Variants in TRIM58 observed in about 807,000 individuals in gnomAD.
TRIM58 encodes tripartite motif containing 58.
A neutral mutation model predicts 34.1 loss-of-function variants in TRIM58; 38 were observed. The ratio of observed to expected loss-of-function variants is 1.12; its 90% confidence interval spans 0.86 to 1.46. The LOEUF (loss-of-function observed/expected upper bound fraction) is 1.46. TRIM58 is among the 40% of genes most tolerant of loss of function. The pLI, the probability that TRIM58 is intolerant of heterozygous loss-of-function variation, is 0.00. For missense variants in TRIM58, 677 were observed against 642.0 expected (o/e 1.05, Z -0.59); for synonymous variants, 273 against 275.7 (o/e 0.99, Z 0.10).
At position 247,864,872 on chromosome 1, in the gene TRIM58, C is replaced by T. The variant is rs987879503; in HGVS notation, c.684C>T (p.Ala228=). The T allele has an allele frequency of 9.9e-6, 16 of 1,610,658 alleles. No individual in the cohort carries two copies. The highest frequency in any genetic ancestry group is 1.3e-5 in the Non-Finnish European group (15 of 1,179,120). Residue 228 remains alanine (A), a synonymous_variant, in exon 3 of 6, where the codon GCC becomes GCT. Coordinates refer to ENST00000366481, the MANE Select transcript of TRIM58 (RefSeq NM_015431.4). The part of the protein sequence containing the change: ...SKSRLVQQSK[A]LKELADELQE... ...GCCGGCTGGTCCAGCAGAGCAAGGCCCTGAAGGAGCTGGCGGATGAGCTGC... is the reference window on the plus strand; with the variant it reads ...GCCGGCTGGTCCAGCAGAGCAAGGCTCTGAAGGAGCTGGCGGATGAGCTGC...
Position 247,857,435 on chromosome 1 carries a change from CT to C in TRIM58, c.191del (p.Phe64SerfsTer40). On this transcript the variant is annotated frameshift_variant, in exon 1 of 6. Transcript: ENST00000366481. LOFTEE classifies it high-confidence loss of function. ...VYACPQCRGP[F>X]RPSGFRPNRQ... ...ACGCCTGTCCGCAGTGCCGGGGCCC[CT>C]TCCGGCCCTCGGGCTTTCGCCCCAA... 1 of 1,452,762 alleles carries C rather than the reference CT, an allele frequency of 6.9e-7. No homozygotes were observed. The highest frequency in any genetic ancestry group is 1.5e-5 in the South Asian group (1 of 67,998). The allele number at this position is 1,452,762 out of a possible 1,614,324, so 90.0% of individuals were successfully genotyped here. A position where few individuals can be genotyped will look rare whatever the true frequency, so the allele number is the denominator to read the frequency against.
At chr1:247,868,440 T>A (rs1343790050) in intron 5 of TRIM58, among the ~76,000 whole-genome samples, 1 of 152,186 alleles carries the variant, frequency 6.6e-6, no homozygotes, top group Non-Finnish European at 1.5e-5. Context: ...TCACTTCTGG[T>A]CACCAAAATG....
intron 1 of TRIM58, 28 bp from the exon 2 acceptor site, chr1:247,860,589 C>T: frequency 6.4e-7 from 1 of 1,560,250 alleles, no homozygotes; most frequent in Non-Finnish European, 8.8e-7. Context: ...TTGAGGGCAT[C>T]TGTAACAGCT....
intron 5 of TRIM58, among the ~76,000 whole-genome samples, chr1:247,875,139 C>T (rs557528480): frequency 3.3e-5 from 5 of 152,130 alleles, no homozygotes; most frequent in Admixed American, 6.6e-5. Flanking sequence ...TTTGATTAGA[C>T]GCACCTTGAT....
chr1:247,872,249 C>G (rs1348676063), intron 5 of TRIM58, among the ~76,000 whole-genome samples: 1 of 152,138 alleles, frequency 6.6e-6, no homozygotes, highest in Non-Finnish European at 1.5e-5. Flanking sequence ...AAGTAAATTA[C>G]AGAGAGGAGA....
chr1:247,857,298 G>T lies in TRIM58; in HGVS notation c.52G>T (p.Val18Leu). The T allele has an allele frequency of 7.1e-7, 1 of 1,411,798 alleles. No individual in the cohort carries two copies. Among genetic ancestry groups the T allele is most frequent in the Non-Finnish European group, 9.3e-7 (1 of 1,074,684 alleles). 87.5% of individuals were successfully genotyped at this position (1,411,798 alleles called of 1,614,324 possible). The change falls in exon 1 of 6, where the codon GTG becomes TTG. Residue 18 changes from valine to leucine, a missense_variant. Val to Leu is a conservative substitution (Grantham distance 32). Transcript: ENST00000366481. The part of the protein sequence containing the change: ...ERLREDARCP[V>L]CLDFLQEPVS... ...GCTGCGCGAGGATGCGCGGTGCCCG[G>T]TGTGCCTGGATTTCCTGCAGGAGCC...
chr1:247,867,412 G>A (rs1003788615), intron 3 of TRIM58, among the ~76,000 whole-genome samples: 3 of 152,162 alleles, frequency 2.0e-5, no homozygotes, highest in African/African-American at 7.2e-5. Flanking sequence ...AAAGAGATTT[G>A]TCTGAGTGTG....
chr1:247,864,229 C>T lies in TRIM58; in HGVS notation c.517-476C>T, dbSNP rs531336318. ...GTGCAATCACAGCTTACTGCAGCCT[C>T]GAGCTCTTAGACAAGTGATCCTCCC... On this transcript the variant is annotated intron_variant, in intron 2 of 5. Transcript: ENST00000366481. Among the ~76,000 whole-genome samples the T allele has an allele frequency of 5.9e-5, 9 of 152,150 alleles. No homozygotes were observed. The South Asian group carries it at 8.3e-4, about 14-fold the overall frequency.
At chr1:247,857,778 T>A in intron 1 of TRIM58, 112 bp downstream of exon 1, 1 of 1,183,648 alleles carries the variant, frequency 8.4e-7, no homozygotes, top group Non-Finnish European at 1.0e-6. Context: ...CCACGGCCGC[T>A]CCCCCCACCG....
rs910056134 is a variant in TRIM58 at position 247,879,312 on chromosome 1, G to A, written c.*2823G>A. 6.6e-6 allele frequency among the ~76,000 whole-genome samples: 1 copy of A among 152,078 alleles called. No individual in the cohort carries two copies. Among genetic ancestry groups the A allele is most frequent in the African/African-American group, 2.4e-5 (1 of 41,398 alleles). On this transcript the variant is annotated 3_prime_UTR_variant, in exon 6 of 6. Coordinates refer to ENST00000366481, the MANE Select transcript of TRIM58 (RefSeq NM_015431.4). ...GGTCCTACCTTCAGAATATGTCCGG[G>A]GTTCAGTTGTCCTGGCCACCCTGCT...
chr1:247,862,231 G>A (rs1433657284), intron 2 of TRIM58, among the ~76,000 whole-genome samples: 2 of 152,178 alleles, frequency 1.3e-5, no homozygotes, highest in African/African-American at 4.8e-5. Context: ...TAATATTGAT[G>A]TTAATAACAT....
Position 247,877,654 on chromosome 1 carries a change from T to C in TRIM58, c.*1165T>C, listed in dbSNP as rs1659320651. ...ATGGTTCCTATACATGGAACAATTA[T>C]ACTGGCCTCACTGTGTTATGGTAAA... On this transcript the variant is annotated 3_prime_UTR_variant, in exon 6 of 6. Coordinates refer to ENST00000366481, the MANE Select transcript of TRIM58 (RefSeq NM_015431.4). The C allele has an allele frequency of 6.6e-6, 1 of 152,196 alleles. No individual in the cohort carries two copies. 9.4% of individuals were successfully genotyped at this position (152,196 alleles called of 1,614,324 possible).
At position 247,863,779 on chromosome 1, in the gene TRIM58, C is replaced by T. The variant is rs188994917; in HGVS notation, c.517-926C>T. Among the ~76,000 whole-genome samples, 7 of 152,220 alleles carry T rather than the reference C, an allele frequency of 4.6e-5. No individual in the cohort carries two copies. The South Asian group carries it at 8.3e-4, about 18-fold the overall frequency. On this transcript the variant is annotated intron_variant, in intron 2 of 5. Transcript: ENST00000366481. ...GAAAATCTAGAAACTAAGCCTGGGA[C>T]GAAGTATGTTCCTTAGGTCTATTCA...
At chr1:247,863,042 A>G (rs1346969932) in intron 2 of TRIM58, among the ~76,000 whole-genome samples, 2 of 152,140 alleles carry the variant, frequency 1.3e-5, no homozygotes, top group East Asian at 3.9e-4. Context: ...TACATGAGTT[A>G]CACTTTCAGG....
At chr1:247,867,794 T>C (rs576339515) in intron 3 of TRIM58, 51 bp from the exon 4 acceptor site, 4 of 1,612,798 alleles carry the variant, frequency 2.5e-6, no homozygotes, top group Non-Finnish European at 3.4e-6. Context: ...AGTCTGACTG[T>C]GAAAAGCAGT....
intron 1 of TRIM58, among the ~76,000 whole-genome samples, chr1:247,858,961 T>C (rs1405647545): frequency 6.6e-6 from 1 of 151,832 alleles, no homozygotes; most frequent in African/African-American, 2.4e-5. Flanking sequence ...GAGACGGGGT[T>C]TCACTGTGTT....
chr1:247,875,824 A>T lies in TRIM58; in HGVS notation c.872-76A>T, dbSNP rs958324113. ...GAGAAAAGTGAGGAACTGTGGGACTATTCTTTTCAGTGGTTTCCTAAGTTT... is the reference window on the plus strand; with the variant it reads ...GAGAAAAGTGAGGAACTGTGGGACTTTTCTTTTCAGTGGTTTCCTAAGTTT... On this transcript the variant is annotated intron_variant, in intron 5 of 5. Transcript: ENST00000366481. The T allele has an allele frequency of 5.4e-6, 7 of 1,295,944 alleles. No homozygotes were observed. In the African/African-American group the frequency reaches 1.0e-4, roughly 19 times the overall value. 80.3% of individuals were successfully genotyped at this position (1,295,944 alleles called of 1,614,324 possible). A position where few individuals can be genotyped will look rare whatever the true frequency, so the allele number is the denominator to read the frequency against.
At chr1:247,865,614 C>T (rs112384428) in intron 3 of TRIM58, among the ~76,000 whole-genome samples, 9,084 of 152,294 alleles carry the variant, frequency 0.06, 332 homozygotes, top group Non-Finnish European at 0.088. Flanking sequence ...CGTGGACTCC[C>T]GTGCAGCTTC....
intron 5 of TRIM58, among the ~76,000 whole-genome samples, chr1:247,875,445 T>C (rs1303583242): frequency 4.6e-5 from 7 of 152,100 alleles, no homozygotes; most frequent in Non-Finnish European, 1.0e-4. Context: ...GGAGGATTGC[T>C]TGAGTCCAGG....
Sources: gnomAD v4.1 joint callset for allele counts (sites outside exome capture counted in the v4.1 genomes callset) on GRCh38, gnomAD v4.1.1 for gene constraint, MANE v1.5 for transcripts, NCBI Gene and HGNC (gene_info 2026-07-23, HGNC 2026-07-21) for gene names.